Variants in OPTN observed in about 807,000 individuals in gnomAD.
OPTN encodes the protein optineurin.
A neutral mutation model predicts 70.4 loss-of-function variants in OPTN; 54 were observed. That is an observed-to-expected ratio of 0.77 (90% CI 0.62 to 0.96). OPTN has a LOEUF of 0.96. Ranked by LOEUF, OPTN falls within the 40% of genes least tolerant of loss-of-function variation. The pLI is 0.00. For missense variants in OPTN, 624 were observed against 673.2 expected, an observed-to-expected ratio of 0.93 and a Z score of 0.81; for synonymous variants, 256 against 248.5, an observed-to-expected ratio of 1.03 and a Z score of -0.28.
intron 5 of OPTN, among the ~76,000 whole-genome samples, chr10:13,114,701 T>G (rs1588437990): frequency 7.1e-6 from 1 of 140,914 alleles, no homozygotes; most frequent in African/African-American, 2.6e-5. Context: ...TATTATATAA[T>G]GAATATATAA....
Position 13,137,663 on chromosome 10 carries a change from G to A in OPTN, c.*797G>A, listed in dbSNP as rs1015963563. On this transcript the variant is annotated 3_prime_UTR_variant, in exon 15 of 15. Transcript: ENST00000378747. ...AATGGATCTGTTGGAGGTTATGTGT[G>A]TATGTTGTAGTTTTATTGCAGCCAC... is the stretch of plus-strand genomic sequence containing the variant. The A allele has an allele frequency of 4.3e-5, 10 of 231,434 alleles. No individual in the cohort carries two copies. Among genetic ancestry groups the A allele is most frequent in the African/African-American group, 2.0e-4 (9 of 45,228 alleles). 14.3% of individuals were successfully genotyped at this position (231,434 alleles called of 1,614,324 possible).
chr10:13,101,247 G>A (rs757307860), intron 1 of OPTN, among the ~76,000 whole-genome samples: 60 of 152,118 alleles, frequency 3.9e-4, no homozygotes, highest in Admixed American at 3.1e-3. Context: ...TTTAAGTCCT[G>A]GCATAATTCA....
rs531294308 is a variant in OPTN, at chr10:13,100,708, G to A, written c.-164+406G>A. On this transcript the variant is annotated intron_variant, in intron 1 of 14. Coordinates refer to ENST00000378747, the MANE Select transcript of OPTN (RefSeq NM_001008212.2). ...TGTGGGAGACATGGGACCACTACCCGAGCTGAATGAGGTGCCCAGGGTCGG... is the reference window on the plus strand; with the variant it reads ...TGTGGGAGACATGGGACCACTACCCAAGCTGAATGAGGTGCCCAGGGTCGG... Among the ~76,000 whole-genome samples, 129 of 152,304 alleles carry A rather than the reference G, an allele frequency of 8.5e-4. 1 individual carries two copies. Among genetic ancestry groups the A allele is most frequent in the African/African-American group, 2.9e-3 (119 of 41,564 alleles).
intron 4 of OPTN, among the ~76,000 whole-genome samples, chr10:13,111,469 GGGCA>G: frequency 6.6e-6 from 1 of 152,120 alleles, no homozygotes; most frequent in Non-Finnish European, 1.5e-5. Flanking sequence ...AGGCTAGGGT[GGGCA>G]GATCACCTGA....
At chr10:13,130,373 C>T (rs1363594609) in intron 12 of OPTN, among the ~76,000 whole-genome samples, 9 of 133,112 alleles carry the variant, frequency 6.8e-5, no homozygotes, top group Non-Finnish European at 1.4e-4. Flanking sequence ...TGCAGTGAGC[C>T]GAGATCATGC....
intron 14 of OPTN, among the ~76,000 whole-genome samples, chr10:13,135,808 G>T (rs191751844): frequency 6.6e-6 from 1 of 151,790 alleles, no homozygotes; most frequent in Non-Finnish European, 1.5e-5. Flanking sequence ...TTTTCTTCTC[G>T]CAGATATCCT....
In OPTN at chr10:13,110,274, A is replaced by T. The variant is rs750177059; in HGVS notation, c.167A>T (p.Glu56Val). ...ELLTENHQLK[E>V]AMKLNNQAMK... The stretch of plus-strand genomic sequence containing the variant: ...CTCCATCACTCTGAACCTCCTGCAG[A>T]AGCCATGAAGCTAAATAATCAAGCC... The change falls in exon 4 of 15, where the codon GAA becomes GTA. Residue 56 changes from glutamate (E) to valine (V), a missense_variant and splice_region_variant. Physicochemically the swap from Glu to Val is moderately radical, Grantham distance 121 (BLOSUM62 -2). Coordinates refer to ENST00000378747, the MANE Select transcript of OPTN (RefSeq NM_001008212.2). 17 of 1,613,902 alleles carry T rather than the reference A, an allele frequency of 1.1e-5. No homozygotes were observed. Among genetic ancestry groups the T allele is most frequent in the Non-Finnish European group, 1.4e-5 (17 of 1,179,978 alleles).
rs575842457 is a variant in OPTN, at chr10:13,102,757, A to G, written c.-164+2455A>G. 5.9e-5 allele frequency among the ~76,000 whole-genome samples: 9 copies of G among 152,264 alleles called. No individual in the cohort carries two copies. The South Asian group carries it at 8.3e-4, about 14-fold the overall frequency. On this transcript the variant is annotated intron_variant, in intron 1 of 14. Transcript: ENST00000378747. ...CAGGAGTTCAAGACCAGCCTGGCCA[A>G]CGTGGCAAAACCCTGTCTCTACTAA...
intron 14 of OPTN, among the ~76,000 whole-genome samples, chr10:13,136,505 C>CAAAAAAAAAA (rs71386161): frequency 1.4e-5 from 1 of 72,868 alleles, no homozygotes; most frequent in Non-Finnish European, 2.5e-5. Context: ...GACTCCGTCT[C>CAAAAAAAAAA]AAAAAAAAAA....
Position 13,136,856 on chromosome 10 carries a change from G to A in OPTN, c.1724G>A (p.Cys575Tyr), listed in dbSNP as rs896672755. Residue 575 changes from cysteine (C) to tyrosine (Y), a missense_variant, in exon 15 of 15, where the codon TGC becomes TAC. By Grantham distance (194) the Cys-to-Tyr change is radical (BLOSUM62 -2). Transcript: ENST00000378747. ...ACGTTACAGATTCACGTGATGGATT[G>A]CATCATTTAAGTGTTGATGTATCAC... ...IDTLQIHVMD[C>Y]II The A allele has an allele frequency of 4.3e-6, 7 of 1,614,050 alleles. No individual in the cohort carries two copies. The highest frequency in any genetic ancestry group is 5.9e-6 in the Non-Finnish European group (7 of 1,180,014).
At chr10:13,134,724 G>A (rs1422957090) in intron 14 of OPTN, among the ~76,000 whole-genome samples, 1 of 151,904 alleles carries the variant, frequency 6.6e-6, no homozygotes, top group African/African-American at 2.4e-5. Flanking sequence ...CACCACGCCC[G>A]GCTAATTTGT....
intron 2 of OPTN, 84 bp downstream of exon 2, chr10:13,108,373 T>C (rs1832912261): frequency 6.6e-6 from 1 of 152,190 alleles, no homozygotes. Flanking sequence ...AACAGCTTTT[T>C]TGAGATAGAA....
intron 8 of OPTN, among the ~76,000 whole-genome samples, 197 bp from the exon 9 acceptor site, chr10:13,123,798 C>T (rs1411790745): frequency 5.9e-5 from 9 of 152,156 alleles, no homozygotes; most frequent in Admixed American, 2.6e-4. Flanking sequence ...AGAAGTTACC[C>T]AAAACTTAGC....
intron 13 of OPTN, among the ~76,000 whole-genome samples, chr10:13,132,428 G>A (rs1407549625): frequency 6.6e-6 from 1 of 152,112 alleles, no homozygotes; most frequent in Non-Finnish European, 1.5e-5. Flanking sequence ...TGTCTTACAG[G>A]AAAGCTTGAC....
At chr10:13,103,320 T>C (rs1205407640) in intron 1 of OPTN, among the ~76,000 whole-genome samples, 2 of 152,338 alleles carry the variant, frequency 1.3e-5, no homozygotes, top group East Asian at 3.9e-4. Flanking sequence ...TTTCACTGTT[T>C]AAAACTCATT....
intron 14 of OPTN, 141 bp from the exon 15 acceptor site, chr10:13,136,604 G>C (rs1833706032): frequency 1.1e-6 from 1 of 884,258 alleles, no homozygotes; most frequent in Non-Finnish European, 1.8e-6. Context: ...TTCAGTTAAA[G>C]ACCAAACACC....
rs765066609 is a variant in OPTN, at chr10:13,125,928, T to A, written c.1149-18T>A. 15 of 1,564,556 alleles carry A rather than the reference T, an allele frequency of 9.6e-6. No individual in the cohort carries two copies. The South Asian group carries it at 1.3e-4, about 14-fold the overall frequency. On this transcript the variant is annotated intron_variant, in intron 10 of 14. Coordinates refer to ENST00000378747, the MANE Select transcript of OPTN (RefSeq NM_001008212.2). ...ATATTTTCCCCAGGATTCCATTTTT[T>A]AATATCTTTTTTAATAGGTCCAAAT...
chr10:13,100,258 T>A lies in OPTN; in HGVS notation c.-208T>A, dbSNP rs1188210833. 1 of 152,756 alleles carries A rather than the reference T, an allele frequency of 6.5e-6. No homozygotes were observed. The highest frequency in any genetic ancestry group is 2.4e-5 in the African/African-American group (1 of 41,450). The allele number at this position is 152,756 out of a possible 1,614,324, so 9.5% of individuals were successfully genotyped here. Reference sequence around the variant, plus strand: ...CGGGAGTTCTCTCCAGGCGGCACGATGCCGAGGAAACAGTGACCCTGAGCG... The same window carrying A: ...CGGGAGTTCTCTCCAGGCGGCACGAAGCCGAGGAAACAGTGACCCTGAGCG... On this transcript the variant is annotated 5_prime_UTR_variant, in exon 1 of 15. It removes an upstream start codon present in the reference 5' UTR. Coordinates refer to ENST00000378747, the MANE Select transcript of OPTN (RefSeq NM_001008212.2).
intron 14 of OPTN, among the ~76,000 whole-genome samples, chr10:13,135,552 C>T (rs991018196): frequency 1.3e-5 from 2 of 151,970 alleles, no homozygotes; most frequent in Admixed American, 6.6e-5. Flanking sequence ...GCCTAACACT[C>T]GTGCCTAACA....
Sources: gnomAD v4.1 joint callset for allele counts (sites outside exome capture counted in the v4.1 genomes callset) on GRCh38, gnomAD v4.1.1 for gene constraint, MANE v1.5 for transcripts, NCBI Gene and HGNC (gene_info 2026-07-23, HGNC 2026-07-21) for gene names.